Variants in SLC6A11 observed in about 807,000 individuals in gnomAD.
SLC6A11 encodes the protein solute carrier family 6 member 11.
In SLC6A11, 25 loss-of-function variants were observed where a neutral mutation model predicts 74.8. The ratio of observed to expected loss-of-function variants is 0.33; its 90% CI spans 0.24 to 0.47. The LOEUF (loss-of-function observed/expected upper bound fraction) is 0.47. Ranked by LOEUF, SLC6A11 falls within the 20% of genes least tolerant of loss-of-function variation. The pLI is 1.00. For missense variants in SLC6A11, 574 were observed against 837.0 expected, an observed-to-expected ratio of 0.69 and a Z score of 3.88; for synonymous variants, 330 against 330.2, an observed-to-expected ratio of 1.00 and a Z score of 0.01.
intron 6 of SLC6A11, among the ~76,000 whole-genome samples, chr3:10,881,775 C>T (rs1270960883): frequency 6.6e-6 from 1 of 152,288 alleles, no homozygotes; most frequent in South Asian, 2.1e-4. Context: ...ACTCTTCTGC[C>T]CACATCCCCA....
Position 10,918,992 on chromosome 3 carries a change from G to A in SLC6A11, c.1120+539G>A, listed in dbSNP as rs1338575615. Among the ~76,000 whole-genome samples, 4 of 151,974 alleles carry A rather than the reference G, an allele frequency of 2.6e-5. No homozygotes were observed. The South Asian group carries it at 6.3e-4, about 24-fold the overall frequency. The stretch of plus-strand genomic sequence containing the variant: ...ACCTACGATTCCCCCACACTCACTC[G>A]GTCCCACCACAGCGGTCTGCTTCAC... On this transcript the variant is annotated intron_variant, in intron 8 of 13. Coordinates refer to ENST00000254488, the MANE Select transcript of SLC6A11 (RefSeq NM_014229.3). The surrounding 1 kb of genome is among the most constrained non-coding windows in gnomAD (Gnocchi z 4.5).
chr3:10,912,041 C>A, intron 6 of SLC6A11, 49 bp from the exon 7 acceptor site: 1 of 1,260,818 alleles, frequency 7.9e-7, no homozygotes, highest in Non-Finnish European at 1.2e-6. Context: ...TACCCTCTCA[C>A]CACACATCTG....
chr3:10,937,860 A>T (rs575244532), intron 13 of SLC6A11, among the ~76,000 whole-genome samples: 21 of 152,226 alleles, frequency 1.4e-4, no homozygotes, highest in African/African-American at 5.1e-4. Flanking sequence ...AGCCCTGGAG[A>T]TGCATTACCA....
At chr3:10,843,262 G>A (rs540335270) in intron 4 of SLC6A11, among the ~76,000 whole-genome samples, 10 of 152,212 alleles carry the variant, frequency 6.6e-5, no homozygotes, top group South Asian at 4.2e-4. Flanking sequence ...TAGCTCACCC[G>A]GAGTCCTCCC....
At chr3:10,929,076 C>T (rs1409058446) in intron 9 of SLC6A11, 126 bp from the exon 10 acceptor site, 7 of 939,646 alleles carry the variant, frequency 7.4e-6, no homozygotes, top group East Asian at 2.4e-5. Flanking sequence ...TCAGGCCCCT[C>T]GTCTGCATTA....
chr3:10,850,635 G>C (rs148434217), intron 5 of SLC6A11, among the ~76,000 whole-genome samples: 16 of 152,302 alleles, frequency 1.1e-4, no homozygotes, highest in Middle Eastern at 6.8e-3. Context: ...AAGTGGGAAG[G>C]ACTTGGTGAA....
intron 3 of SLC6A11, among the ~76,000 whole-genome samples, chr3:10,820,535 C>T (rs1451846481): frequency 6.6e-6 from 1 of 152,182 alleles, no homozygotes; most frequent in Non-Finnish European, 1.5e-5. Flanking sequence ...TTTACTCTAT[C>T]AATCCAACCC....
chr3:10,862,856 G>A (rs1694719080), intron 5 of SLC6A11, among the ~76,000 whole-genome samples: 1 of 152,188 alleles, frequency 6.6e-6, no homozygotes, highest in Admixed American at 6.5e-5. Context: ...TTGAGGGCAG[G>A]GACCCAGGTC....
intron 11 of SLC6A11, 105 bp from the exon 12 acceptor site, chr3:10,933,961 T>C: frequency 1.4e-6 from 1 of 728,626 alleles, no homozygotes; most frequent in South Asian, 1.8e-5. Flanking sequence ...TGCAGCAGTT[T>C]TTCTGTCTCA....
At chr3:10,930,304 C>T (rs1183541136) in intron 10 of SLC6A11, among the ~76,000 whole-genome samples, 1 of 152,076 alleles carries the variant, frequency 6.6e-6, no homozygotes, top group African/African-American at 2.4e-5. Flanking sequence ...TTACCACGAT[C>T]TATGGTCCAC....
chr3:10,890,338 A>C (rs1469555840), intron 6 of SLC6A11, among the ~76,000 whole-genome samples: 2 of 152,222 alleles, frequency 1.3e-5, no homozygotes, highest in Admixed American at 6.5e-5. Flanking sequence ...CAGAGTTCTA[A>C]GAATGCCCAC....
intron 6 of SLC6A11, among the ~76,000 whole-genome samples, chr3:10,876,478 C>A (rs1489378411): frequency 6.6e-6 from 1 of 152,142 alleles, no homozygotes; most frequent in Non-Finnish European, 1.5e-5. Flanking sequence ...CCCTTCTCTC[C>A]TCTGCTTATG....
chr3:10,860,387 A>G (rs1303986167), intron 5 of SLC6A11, among the ~76,000 whole-genome samples: 1 of 152,190 alleles, frequency 6.6e-6, no homozygotes, highest in Admixed American at 6.5e-5. Flanking sequence ...TTTTTAAAAC[A>G]TGTTTCTTAG....
intron 5 of SLC6A11, among the ~76,000 whole-genome samples, chr3:10,861,298 T>C (rs887399698): frequency 5.9e-5 from 9 of 152,328 alleles, no homozygotes; most frequent in Non-Finnish European, 1.3e-4. Flanking sequence ...GGAGGCTTGC[T>C]TGAGCCCAAG....
intron 5 of SLC6A11, among the ~76,000 whole-genome samples, chr3:10,865,553 C>CT (rs1694753766): frequency 1.8e-4 from 28 of 152,076 alleles, no homozygotes; most frequent in Admixed American, 1.8e-3. Context: ...GTCCCAGCTA[C>CT]TTGGGAGGCT....
intron 6 of SLC6A11, among the ~76,000 whole-genome samples, chr3:10,908,793 G>A (rs565006998): frequency 2.6e-5 from 4 of 152,226 alleles, no homozygotes; most frequent in African/African-American, 9.6e-5. Flanking sequence ...TGGTCCATCA[G>A]TAATTTGGGA....
At chr3:10,899,068 G>A (rs906946168) in intron 6 of SLC6A11, among the ~76,000 whole-genome samples, 1 of 152,196 alleles carries the variant, frequency 6.6e-6, no homozygotes, top group African/African-American at 2.4e-5. Context: ...CATGAGAACA[G>A]TATGAGGGAA....
chr3:10,907,501 C>T (rs1409302980), intron 6 of SLC6A11, among the ~76,000 whole-genome samples: 9 of 152,066 alleles, frequency 5.9e-5, no homozygotes, highest in Admixed American at 5.9e-4. Flanking sequence ...TCTTTTTTCT[C>T]CTGAAAGAGA....
chr3:10,863,292 A>G (rs1694724580), intron 5 of SLC6A11, among the ~76,000 whole-genome samples: 1 of 152,250 alleles, frequency 6.6e-6, no homozygotes, highest in Non-Finnish European at 1.5e-5. Flanking sequence ...CTAATGTGTC[A>G]GGTCACTGTA....
Sources: allele counts gnomAD v4.1 joint callset (sites outside exome capture counted in the v4.1 genomes callset), GRCh38; gene constraint gnomAD v4.1.1; non-coding constraint Gnocchi (gnomAD v3.1); transcripts MANE v1.5; gene names NCBI Gene and HGNC (gene_info 2026-07-23, HGNC 2026-07-21).